The following PARD3B variants were observed in gnomAD, a reference collection of about 807,000 sequenced individuals.
PARD3B encodes the protein par-3 family cell polarity regulator beta, also known as partitioning defective 3 homolog B.
PARD3B carries 103 observed loss-of-function variants against 130.2 expected under a neutral mutation model. The observed-to-expected ratio is 0.79, with a 90% CI of 0.67 to 0.93. The LOEUF (loss-of-function observed/expected upper bound fraction) is 0.93. Ranked by LOEUF, PARD3B falls within the 40% of genes least tolerant of loss-of-function variation. The pLI is 0.00. For missense variants in PARD3B, 1,609 were observed against 1,499.2 expected (o/e 1.07, Z -1.21); for synonymous variants, 583 against 553.2 (o/e 1.05, Z -0.76).
intron 4 of PARD3B, among the ~76,000 whole-genome samples, chr2:205,052,434 T>TATATATATAC (rs1376869209): frequency 1.1e-4 from 3 of 27,150 alleles, no homozygotes; most frequent in African/African-American, 3.7e-4. Context: ...TATATATATA[T>TATATATATAC]ATATATATAT....
rs2052557172 is a variant in PARD3B, at chr2:205,550,193, C to T, written c.3181-3131C>T. Reference sequence around the variant, plus strand: ...CTTCTGCCCCAGAAAAACTCCTCCTCATCCATATTCAGGTTTGAGATGACG... The same window carrying T: ...CTTCTGCCCCAGAAAAACTCCTCCTTATCCATATTCAGGTTTGAGATGACG... On this transcript the variant is annotated intron_variant, in intron 21 of 22. Transcript: ENST00000406610. This position sits in a 1 kb window ranked among gnomAD's most constrained non-coding sequence, Gnocchi z 4.5. Among the ~76,000 whole-genome samples, 1 of 152,172 alleles carries T rather than the reference C, an allele frequency of 6.6e-6. No homozygotes were observed. Among genetic ancestry groups the T allele is most frequent in the Non-Finnish European group, 1.5e-5 (1 of 68,024 alleles).
rs1374272979 is a variant in PARD3B, at chr2:204,969,595, A to G, written c.394+4272A>G. On this transcript the variant is annotated intron_variant, in intron 3 of 22. Coordinates refer to ENST00000406610, the MANE Select transcript of PARD3B (RefSeq NM_001302769.2). ...ATGAGCAAATAAAAGTTAAAATTCAATGTGTACTCTGATGTTGAATAAGGA... is the reference window on the plus strand; with the variant it reads ...ATGAGCAAATAAAAGTTAAAATTCAGTGTGTACTCTGATGTTGAATAAGGA... 3.3e-5 allele frequency among the ~76,000 whole-genome samples: 5 copies of G among 152,342 alleles called. No individual in the cohort carries two copies. In the East Asian group the frequency reaches 7.7e-4, roughly 24 times the overall value.
At chr2:205,209,642 G>T (rs991843869) in intron 15 of PARD3B, among the ~76,000 whole-genome samples, 3 of 151,502 alleles carry the variant, frequency 2.0e-5, no homozygotes, top group Non-Finnish European at 2.9e-5. Context: ...TAGGTTAAAT[G>T]AAGTTTAGCA....
chr2:205,293,812 G>T (rs975904591), intron 16 of PARD3B: 8 of 152,188 alleles, frequency 5.3e-5, no homozygotes, highest in African/African-American at 1.9e-4. Context: ...TCCCAGTGTT[G>T]TAAGTACCCT....
intron 22 of PARD3B, among the ~76,000 whole-genome samples, chr2:205,614,111 TAAGAGCTGCA>T (rs1426074346): frequency 7.2e-5 from 11 of 152,306 alleles, no homozygotes; most frequent in African/African-American, 2.6e-4. Flanking sequence ...TATGAGATTT[TAAGAGCTGCA>T]AACAGAACTC....
chr2:205,043,081 G>A (rs1698505929), intron 3 of PARD3B, among the ~76,000 whole-genome samples: 1 of 151,732 alleles, frequency 6.6e-6, no homozygotes, highest in Non-Finnish European at 1.5e-5. Flanking sequence ...AAAAACTAAT[G>A]AATAGCAAAA....
At position 205,384,710 on chromosome 2, in the gene PARD3B, C is replaced by T. The variant is rs115572304; in HGVS notation, c.2631-16303C>T. On this transcript the variant is annotated intron_variant, in intron 18 of 22. Transcript: ENST00000406610. ...AACTTAACATACATGGATAGGTATA[C>T]ATAGTCTTTTGGGAATCTGTGAACT... Among the ~76,000 whole-genome samples, 574 of 152,182 alleles carry T rather than the reference C, an allele frequency of 3.8e-3. 5 individuals carry two copies. Among genetic ancestry groups the T allele is most frequent in the African/African-American group, 0.013 (535 of 41,540 alleles).
intron 2 of PARD3B, among the ~76,000 whole-genome samples, chr2:204,741,186 A>T (rs530131368): frequency 1.3e-5 from 2 of 152,310 alleles, no homozygotes; most frequent in South Asian, 4.1e-4. Context: ...ACTTTTGGAA[A>T]TAGGAAGGCA....
intron 3 of PARD3B, among the ~76,000 whole-genome samples, chr2:204,975,003 C>CTTG (rs1298807493): frequency 1.3e-5 from 2 of 152,170 alleles, no homozygotes; most frequent in Admixed American, 6.5e-5. Context: ...AGTCTCTTAA[C>CTTG]TTGGCTAGGA....
chr2:205,028,716 A>G (rs1189111302), intron 3 of PARD3B, among the ~76,000 whole-genome samples: 10 of 152,190 alleles, frequency 6.6e-5, no homozygotes, highest in Admixed American at 6.6e-4. Flanking sequence ...CATCCGAATT[A>G]GGAAGAAATT....
chr2:204,611,530 T>C (rs966551131), intron 1 of PARD3B, among the ~76,000 whole-genome samples: 8 of 152,170 alleles, frequency 5.3e-5, no homozygotes, highest in Admixed American at 5.2e-4. Flanking sequence ...ATAAAACTAA[T>C]ATAAAAAGTC....
intron 2 of PARD3B, among the ~76,000 whole-genome samples, chr2:204,959,610 T>G (rs1164448796): frequency 6.6e-6 from 1 of 152,194 alleles, no homozygotes; most frequent in Non-Finnish European, 1.5e-5. Context: ...GTAAAAGTGT[T>G]TGTTTGTTGT....
At chr2:205,217,810 A>T in intron 15 of PARD3B, among the ~76,000 whole-genome samples, 1 of 54,132 alleles carries the variant, frequency 1.8e-5, no homozygotes, top group Admixed American at 2.5e-4. Flanking sequence ...ATATGTGTGT[A>T]TATATGTATA....
intron 18 of PARD3B, among the ~76,000 whole-genome samples, chr2:205,385,548 C>A (rs2045632085): frequency 6.6e-6 from 1 of 152,074 alleles, no homozygotes; most frequent in Admixed American, 6.6e-5. Flanking sequence ...ATATACTTAG[C>A]CTGAGTTTTG....
At chr2:205,393,563 C>T (rs2045928734) in intron 18 of PARD3B, among the ~76,000 whole-genome samples, 1 of 152,204 alleles carries the variant, frequency 6.6e-6, no homozygotes, top group Non-Finnish European at 1.5e-5. Flanking sequence ...CTTTTCAGCT[C>T]TCTTTGGATT....
intron 3 of PARD3B, among the ~76,000 whole-genome samples, chr2:205,043,001 G>A (rs1698500324): frequency 6.6e-6 from 1 of 151,310 alleles, no homozygotes. Context: ...GAACATTGTT[G>A]TTCCTTGAGC....
In PARD3B at chr2:205,446,080, G is replaced by A. The variant is rs537923641; in HGVS notation, c.3044+5408G>A. 6.6e-6 allele frequency among the ~76,000 whole-genome samples: 1 copy of A among 152,234 alleles called. No individual in the cohort carries two copies. The highest frequency in any genetic ancestry group is 2.4e-5 in the African/African-American group (1 of 41,518). On this transcript the variant is annotated intron_variant, in intron 20 of 22. Coordinates refer to ENST00000406610, the MANE Select transcript of PARD3B (RefSeq NM_001302769.2). The surrounding 1 kb of genome is among the most constrained non-coding windows in gnomAD (Gnocchi z 4.4). ...AGTGCAGGGTACTGTTTGGGGCCAG[G>A]CAGCAAGGGTGAAAACAGAGGGGAG...
At chr2:205,597,853 C>T (rs1164012042) in intron 22 of PARD3B, among the ~76,000 whole-genome samples, 1 of 152,108 alleles carries the variant, frequency 6.6e-6, no homozygotes, top group Non-Finnish European at 1.5e-5. Context: ...AAAGAAATTC[C>T]AACCAAGAAT....
At chr2:204,910,734 C>T (rs2047204044) in intron 2 of PARD3B, among the ~76,000 whole-genome samples, 1 of 152,124 alleles carries the variant, frequency 6.6e-6, no homozygotes, top group Non-Finnish European at 1.5e-5. Flanking sequence ...CCGCCTCTCC[C>T]GGGTTCACGC....
Sources: allele counts gnomAD v4.1 joint callset (sites outside exome capture counted in the v4.1 genomes callset), GRCh38; gene constraint gnomAD v4.1.1; non-coding constraint Gnocchi (gnomAD v3.1); transcripts MANE v1.5; gene names NCBI Gene and HGNC (gene_info 2026-07-23, HGNC 2026-07-21).